Variants in YIPF6 observed in about 807,000 individuals in gnomAD.
YIPF6 encodes the protein Yip1 domain family member 6, also known as protein YIPF6.
In YIPF6, 3 loss-of-function variants were observed where a neutral mutation model predicts 16.8. That is an observed-to-expected ratio of 0.18 (90% CI 0.08 to 0.46). YIPF6 has a LOEUF of 0.46. YIPF6 is among the 20% of genes least tolerant of loss of function. The pLI is 0.98. For missense variants in YIPF6, 145 were observed against 184.9 expected (o/e 0.78, Z 1.25); for synonymous variants, 67 against 61.9 (o/e 1.08, Z -0.38).
chrX:68,527,754 G>A (rs1231199719), intron 6 of YIPF6, among the ~76,000 whole-genome samples: 1 of 111,935 alleles, frequency 8.9e-6, no homozygotes, highest in Admixed American at 9.6e-5. Context: ...AGAGCAGGTC[G>A]TTCAGTTTCT....
rs1324287430 is a variant in YIPF6 at position 68,518,678 on chromosome X, C to G, written c.266-92C>G. 3.8e-6 allele frequency: 4 copies of G among 1,056,536 alleles called. No homozygotes were observed. In the East Asian group the frequency reaches 1.0e-4, roughly 27 times the overall value. 87.1% of individuals were successfully genotyped at this position (1,056,536 alleles called of 1,213,427 possible). On this transcript the variant is annotated intron_variant, in intron 3 of 6. Transcript: ENST00000462683. ...GGAAGGCTTGGCCAGCCAAAGAGAG[C>G]CTTGATGTCTGAATTCTAGGAGGGA...
intron 6 of YIPF6, among the ~76,000 whole-genome samples, chrX:68,529,255 C>T (rs983874023): frequency 2.1e-4 from 23 of 109,377 alleles, no homozygotes; most frequent in African/African-American, 7.3e-4. Flanking sequence ...ATCTTTTCTT[C>T]TGCTTGATCG....
At chrX:68,522,460 CTAATTTTTTT>C (rs2079130360) in intron 5 of YIPF6, among the ~76,000 whole-genome samples, 1 of 110,118 alleles carries the variant, frequency 9.1e-6, no homozygotes, top group Non-Finnish European at 1.9e-5. Context: ...CAATGCCCGG[CTAATTTTTTT>C]TTGTATTTTT....
chrX:68,508,655 C>T (rs1284030474), intron 1 of YIPF6, among the ~76,000 whole-genome samples: 1 of 112,242 alleles, frequency 8.9e-6, no homozygotes, highest in Admixed American at 9.5e-5. Flanking sequence ...GTATTTCTAG[C>T]ATTGCCATCT....
At chrX:68,509,019 C>G (rs747357275) in intron 1 of YIPF6, among the ~76,000 whole-genome samples, 1 of 110,806 alleles carries the variant, frequency 9.0e-6, no homozygotes, top group Non-Finnish European at 1.9e-5. Context: ...GCTATGGTTA[C>G]CTTCAGTGCA....
chrX:68,501,260 T>C (rs1313038227), intron 1 of YIPF6, among the ~76,000 whole-genome samples: 2 of 111,985 alleles, frequency 1.8e-5, no homozygotes, highest in Non-Finnish European at 3.8e-5. Flanking sequence ...TACAGAAATT[T>C]AAAGGAAAAT....
chrX:68,530,901 G>T (rs2079168410), intron 6 of YIPF6, among the ~76,000 whole-genome samples: 1 of 111,132 alleles, frequency 9.0e-6, no homozygotes, highest in African/African-American at 3.3e-5. Context: ...GACCGGAGCT[G>T]TTCCTATTCG....
At chrX:68,503,598 C>T (rs923246439) in intron 1 of YIPF6, among the ~76,000 whole-genome samples, 1 of 111,536 alleles carries the variant, frequency 9.0e-6, no homozygotes, top group Non-Finnish European at 1.9e-5. Context: ...TAGGGGATCA[C>T]ATGGGACTTC....
At chrX:68,511,749 C>G (rs1371662872) in intron 1 of YIPF6, 100 bp from the exon 2 acceptor site, 6 of 1,016,570 alleles carry the variant, frequency 5.9e-6, no homozygotes, top group Non-Finnish European at 6.5e-6. Context: ...ATGTAAAACC[C>G]TACAAAATAC....
chrX:68,501,553 T>G (rs1200640417), intron 1 of YIPF6, among the ~76,000 whole-genome samples: 1 of 111,888 alleles, frequency 8.9e-6, no homozygotes, highest in Admixed American at 9.6e-5. Context: ...ATCCAGTTAG[T>G]GCCATGCATG....
intron 3 of YIPF6, among the ~76,000 whole-genome samples, chrX:68,518,296 G>A (rs1370439047): frequency 9.2e-6 from 1 of 108,896 alleles, no homozygotes; most frequent in Non-Finnish European, 1.9e-5. Flanking sequence ...AAAATCAATA[G>A]CCCTAGGTTC....
intron 6 of YIPF6, among the ~76,000 whole-genome samples, chrX:68,529,975 A>G (rs1007005744): frequency 3.6e-5 from 4 of 112,112 alleles, no homozygotes; most frequent in Non-Finnish European, 7.5e-5. Flanking sequence ...TTGAGGAAGC[A>G]GTCTGTCCCT....
chrX:68,525,189 G>A (rs376036460), intron 6 of YIPF6, among the ~76,000 whole-genome samples: 5 of 112,199 alleles, frequency 4.5e-5, no homozygotes, highest in Admixed American at 3.8e-4. Flanking sequence ...TCTAACTGGC[G>A]TGAGATGGTA....
chrX:68,532,090 C>A lies in YIPF6; in HGVS notation c.*91C>A. 2.8e-6 allele frequency: 2 copies of A among 711,385 alleles called. No individual in the cohort carries two copies. Among genetic ancestry groups the A allele is most frequent in the Non-Finnish European group, 4.2e-6 (2 of 478,748 alleles). The allele number at this position is 711,385 out of a possible 1,213,427, so 58.6% of individuals were successfully genotyped here. Reference sequence around the variant, plus strand: ...AGCTTTGTCTCTGGCCCTTATTTGTCTAATTTTGGAGGTATTTGATAACTG... The same window carrying A: ...AGCTTTGTCTCTGGCCCTTATTTGTATAATTTTGGAGGTATTTGATAACTG... On this transcript the variant is annotated 3_prime_UTR_variant, in exon 7 of 7. Transcript: ENST00000462683.
intron 6 of YIPF6, among the ~76,000 whole-genome samples, 183 bp from the exon 7 acceptor site, chrX:68,531,698 C>T (rs1323974889): frequency 8.9e-6 from 1 of 112,019 alleles, no homozygotes; most frequent in Non-Finnish European, 1.9e-5. Flanking sequence ...TCCTCGGCCT[C>T]GGCTCTCTGA....
intron 3 of YIPF6, among the ~76,000 whole-genome samples, chrX:68,517,398 C>T (rs1259485963): frequency 3.6e-5 from 4 of 111,773 alleles, no homozygotes; most frequent in South Asian, 7.4e-4. Context: ...CCGCCCGCCT[C>T]GGCCTCCCAA....
At chrX:68,528,599 C>T (rs910852348) in intron 6 of YIPF6, among the ~76,000 whole-genome samples, 9 of 111,767 alleles carry the variant, frequency 8.1e-5, no homozygotes, top group South Asian at 3.7e-4. Context: ...CAATTAGTTA[C>T]GTTTTTGCAG....
intron 3 of YIPF6, among the ~76,000 whole-genome samples, chrX:68,517,546 T>A (rs1477033083): frequency 8.9e-6 from 1 of 112,371 alleles, no homozygotes; most frequent in Admixed American, 9.5e-5. Context: ...TTATTAAAGT[T>A]TAACCTTGTG....
intron 1 of YIPF6, among the ~76,000 whole-genome samples, chrX:68,503,617 CA>C (rs1602449876): frequency 9.0e-6 from 1 of 111,534 alleles, no homozygotes; most frequent in African/African-American, 3.3e-5. Flanking sequence ...TCAGTGACTA[CA>C]GAGACTTCTG....
Sources: gnomAD v4.1 joint callset for allele counts (sites outside exome capture counted in the v4.1 genomes callset) on GRCh38, gnomAD v4.1.1 for gene constraint, MANE v1.5 for transcripts, NCBI Gene and HGNC (gene_info 2026-07-23, HGNC 2026-07-21) for gene names.